PITPNM2: variants seen among roughly 807,000 people sequenced by gnomAD.
PITPNM2 encodes the protein phosphatidylinositol transfer protein membrane associated 2.
PITPNM2 carries 35 observed loss-of-function variants against 132.2 expected under a neutral mutation model. The ratio of observed to expected loss-of-function variants is 0.26; its 90% CI spans 0.20 to 0.35. The LOEUF (loss-of-function observed/expected upper bound fraction) is 0.35. Ranked by LOEUF, PITPNM2 falls within the 10% of genes least tolerant of loss-of-function variation. The probability of loss-of-function intolerance (pLI) is 1.00; values close to 1 mark genes in which losing one functional copy is unlikely to be tolerated. For synonymous variants in PITPNM2, 738 were observed against 799.2 expected (o/e 0.92, Z 1.29); for missense variants, 1,332 against 1,912.0 (o/e 0.70, Z 5.66).
chr12:123,118,708 G>T (rs937849661), intron 1 of PITPNM2, among the ~76,000 whole-genome samples: 1 of 152,220 alleles, frequency 6.6e-6, no homozygotes, highest in African/African-American at 2.4e-5. Flanking sequence ...CCTCCAGGGT[G>T]TACGGACAGC....
At chr12:123,133,621 T>A (rs1019532165) in intron 1 of PITPNM2, among the ~76,000 whole-genome samples, 1 of 152,208 alleles carries the variant, frequency 6.6e-6, no homozygotes, top group African/African-American at 2.4e-5. Context: ...TGATAAATCT[T>A]CCATGATAAT....
chr12:123,000,566 C>T lies in PITPNM2; in HGVS notation c.1224+212G>A, dbSNP rs551800453. ...GGGGTTGTCTGTAGTCCCTGGTTCTCGGGGACCTCAGAGACAGAGGGCGAC... is the reference window on the plus strand; with the variant it reads ...GGGGTTGTCTGTAGTCCCTGGTTCTTGGGGACCTCAGAGACAGAGGGCGAC... On this transcript the variant is annotated intron_variant, in intron 10 of 25. Transcript: ENST00000320201. The surrounding 1 kb of genome is among the most constrained non-coding windows in gnomAD (Gnocchi z 5.4). 3 of 673,378 alleles carry T rather than the reference C, an allele frequency of 4.5e-6. No homozygotes were observed. Among genetic ancestry groups the T allele is most frequent in the East Asian group, 2.7e-5 (1 of 36,942 alleles). The allele number at this position is 673,378 out of a possible 1,614,324, so 41.7% of individuals were successfully genotyped here. A position where few individuals can be genotyped will look rare whatever the true frequency, so the allele number is the denominator to read the frequency against.
chr12:123,110,318 G>A (rs1593021886), intron 2 of PITPNM2, 67 bp downstream of exon 2: 1 of 152,430 alleles, frequency 6.6e-6, no homozygotes, highest in South Asian at 2.1e-4. Context: ...AACTCCAAAG[G>A]CCAGGGTGGC....
Position 123,036,392 on chromosome 12 carries a change from A to T in PITPNM2, c.-95-1707T>A, listed in dbSNP as rs2040268145. Among the ~76,000 whole-genome samples the T allele has an allele frequency of 6.6e-6, 1 of 152,156 alleles. No individual in the cohort carries two copies. The highest frequency in any genetic ancestry group is 2.1e-4 in the South Asian group (1 of 4,834). On this transcript the variant is annotated intron_variant, in intron 2 of 25. Transcript: ENST00000320201. This position sits in a 1 kb window ranked among gnomAD's most constrained non-coding sequence, Gnocchi z 4.1. The stretch of plus-strand genomic sequence containing the variant: ...GTTGTTTAGTTCACAGCAGGTAGGA[A>T]CGTCAGCCCGAAGCCCATTCAAATT...
chr12:123,059,757 G>T (rs1284506128), intron 2 of PITPNM2, among the ~76,000 whole-genome samples: 1 of 152,184 alleles, frequency 6.6e-6, no homozygotes, highest in Non-Finnish European at 1.5e-5. Flanking sequence ...GAAACATCCG[G>T]AATAGACAAA....
At chr12:123,085,342 G>C (rs1016500250) in intron 2 of PITPNM2, among the ~76,000 whole-genome samples, 2 of 152,144 alleles carry the variant, frequency 1.3e-5, no homozygotes, top group East Asian at 3.8e-4. Flanking sequence ...CATCCCCTTT[G>C]CTTCAAAAAG....
At chr12:123,147,409 G>A (rs1449877547) in intron 1 of PITPNM2, among the ~76,000 whole-genome samples, 2 of 152,052 alleles carry the variant, frequency 1.3e-5, no homozygotes, top group African/African-American at 4.8e-5. Context: ...GAAACTCCTA[G>A]GCTAAAGGGA....
At chr12:123,025,106 C>A (rs1380795688) in intron 3 of PITPNM2, among the ~76,000 whole-genome samples, 1 of 152,162 alleles carries the variant, frequency 6.6e-6, no homozygotes, top group Non-Finnish European at 1.5e-5. Flanking sequence ...TGCAGGAAAC[C>A]TCATGTTTGA....
At chr12:123,062,782 T>A (rs1404235379) in intron 2 of PITPNM2, among the ~76,000 whole-genome samples, 2 of 152,228 alleles carry the variant, frequency 1.3e-5, no homozygotes, top group African/African-American at 4.8e-5. Flanking sequence ...GTTTTCAGTG[T>A]GCTGGATTTT....
In PITPNM2 at chr12:123,000,572, C is replaced by A. The variant is rs932155304; in HGVS notation, c.1224+206G>T. On this transcript the variant is annotated intron_variant, in intron 10 of 25. Transcript: ENST00000320201. This position sits in a 1 kb window ranked among gnomAD's most constrained non-coding sequence, Gnocchi z 5.4. ...GTCTGTAGTCCCTGGTTCTCGGGGA[C>A]CTCAGAGACAGAGGGCGACAGGCGC... The A allele has an allele frequency of 3.0e-5, 20 of 671,126 alleles. No homozygotes were observed. Among genetic ancestry groups the A allele is most frequent in the African/African-American group, 9.0e-5 (5 of 55,574 alleles). 41.6% of individuals were successfully genotyped at this position (671,126 alleles called of 1,614,324 possible).
intron 1 of PITPNM2, among the ~76,000 whole-genome samples, chr12:123,118,691 CT>C (rs2042975998): frequency 6.6e-6 from 1 of 152,244 alleles, no homozygotes. Context: ...GCCTGGAAAG[CT>C]GTCAGCCTCC....
intron 2 of PITPNM2, among the ~76,000 whole-genome samples, chr12:123,109,612 C>T (rs1465634864): frequency 1.3e-5 from 2 of 152,248 alleles, no homozygotes; most frequent in Non-Finnish European, 1.5e-5. Flanking sequence ...AGCAGCCCAG[C>T]CTCTGCTCTC....
In PITPNM2 at chr12:122,989,860, G is replaced by A; in HGVS notation, c.2658C>T (p.Pro886=). ...GGCTTGCCTTCCTGGCTGGAGGGTG[G>A]GGGCCAGGGGTGGTGGGGCTGGGGG... ...LPAPSPTTPG[P]HPPARKASPG... is the part of the protein sequence containing the mutation. The change falls in exon 18 of 26, where the codon CCC becomes CCT. Residue 886 remains proline (P), a synonymous_variant. Transcript: ENST00000320201. 1 of 1,381,000 alleles carries A rather than the reference G, an allele frequency of 7.2e-7. No individual in the cohort carries two copies. 85.5% of individuals were successfully genotyped at this position (1,381,000 alleles called of 1,614,324 possible).
intron 2 of PITPNM2, among the ~76,000 whole-genome samples, chr12:123,076,947 G>A (rs1005938858): frequency 2.0e-5 from 3 of 152,178 alleles, no homozygotes; most frequent in African/African-American, 7.2e-5. Flanking sequence ...CAGAGGTCAC[G>A]GTGGGAGCTG....
At chr12:123,130,064 C>T (rs562813095) in intron 1 of PITPNM2, among the ~76,000 whole-genome samples, 1 of 152,078 alleles carries the variant, frequency 6.6e-6, no homozygotes, top group African/African-American at 2.4e-5. Context: ...CCACCATACC[C>T]AGCTAATTTT....
chr12:123,068,454 A>ATAAT (rs1178325384), intron 2 of PITPNM2, among the ~76,000 whole-genome samples: 4 of 145,076 alleles, frequency 2.8e-5, no homozygotes, highest in African/African-American at 1.0e-4. Flanking sequence ...TCTCCAAAAA[A>ATAAT]TAATAAATAA....
intron 1 of PITPNM2, chr12:123,149,739 G>C (rs545315341): frequency 6.6e-6 from 1 of 152,612 alleles, no homozygotes; most frequent in African/African-American, 2.4e-5. Context: ...CTGGGGGATG[G>C]ATGTTAGGGG....
At chr12:123,087,625 C>CT (rs1039101346) in intron 2 of PITPNM2, 91 of 147,454 alleles carry the variant, frequency 6.2e-4, no homozygotes, top group Middle Eastern at 3.5e-3. Flanking sequence ...TCTTTTTTTT[C>CT]TTTTTTTTTT....
In PITPNM2 at chr12:123,148,159, C is replaced by G. The variant is rs191087415; in HGVS notation, c.-200+2594G>C. Among the ~76,000 whole-genome samples the G allele has an allele frequency of 4.3e-3, 647 of 152,234 alleles. 5 individuals carry two copies. Among genetic ancestry groups the G allele is most frequent in the Non-Finnish European group, 6.5e-3 (444 of 68,020 alleles). ...CAGTAAAAGCTTAATAAACATCAACCAAATGACCTACAGAGAAGCTGTGCA... is the reference window on the plus strand; with the variant it reads ...CAGTAAAAGCTTAATAAACATCAACGAAATGACCTACAGAGAAGCTGTGCA... On this transcript the variant is annotated intron_variant, in intron 1 of 25. Transcript: ENST00000320201.
Sources: allele counts gnomAD v4.1 joint callset (sites outside exome capture counted in the v4.1 genomes callset), GRCh38; gene constraint gnomAD v4.1.1; non-coding constraint Gnocchi (gnomAD v3.1); transcripts MANE v1.5; gene names NCBI Gene and HGNC (gene_info 2026-07-23, HGNC 2026-07-21).